Variants in NDUFS1 observed in about 807,000 individuals in gnomAD.
The protein encoded by NDUFS1 is NADH-ubiquinone oxidoreductase 75 kDa subunit, mitochondrial.
In NDUFS1, 61 loss-of-function variants were observed where a neutral mutation model predicts 84.4. The ratio of observed to expected loss-of-function variants is 0.72; its 90% confidence interval spans 0.59 to 0.89. The LOEUF (loss-of-function observed/expected upper bound fraction) is 0.89. Ranked by LOEUF, NDUFS1 falls within the 40% of genes least tolerant of loss-of-function variation. The pLI is 0.00. For synonymous variants in NDUFS1, 275 were observed against 290.0 expected, an observed-to-expected ratio of 0.95 and a Z score of 0.53; for missense variants, 891 against 890.0, an observed-to-expected ratio of 1.00 and a Z score of -0.01.
At chr2:206,134,470 C>T (rs994814151) in intron 13 of NDUFS1, among the ~76,000 whole-genome samples, 1 of 151,892 alleles carries the variant, frequency 6.6e-6, no homozygotes, top group Non-Finnish European at 1.5e-5. Context: ...CTCGTCTCTA[C>T]AAAAAATTGG....
chr2:206,125,051 G>A (rs1289149158), intron 18 of NDUFS1, among the ~76,000 whole-genome samples: 1 of 150,436 alleles, frequency 6.6e-6, no homozygotes, highest in Non-Finnish European at 1.5e-5. Flanking sequence ...TGACTATGTT[G>A]CCCAGGCTGG....
intron 18 of NDUFS1, among the ~76,000 whole-genome samples, chr2:206,125,014 CT>C (rs879736435): frequency 7.8e-4 from 114 of 145,520 alleles, no homozygotes; most frequent in Admixed American, 1.2e-3. Flanking sequence ...AATAATCTCA[CT>C]TTTTTTTTTT....
At chr2:206,134,233 C>CTT (rs1171622802) in intron 13 of NDUFS1, among the ~76,000 whole-genome samples, 1 of 152,106 alleles carries the variant, frequency 6.6e-6, no homozygotes, top group African/African-American at 2.4e-5. Flanking sequence ...CTTAAAAACT[C>CTT]AAAGAAGCAA....
chr2:206,159,118 A>C, intron 1 of NDUFS1: 1 of 1,535,564 alleles, frequency 6.5e-7, no homozygotes, highest in Middle Eastern at 1.7e-4. Flanking sequence ...GTTCCCGAGG[A>C]CCCCCTGATC....
chr2:206,128,003 A>G (rs1301215700), intron 15 of NDUFS1, 31 bp from the exon 16 acceptor site: 2 of 1,609,244 alleles, frequency 1.2e-6, no homozygotes, highest in African/African-American at 2.7e-5. Flanking sequence ...GTAAACCAAA[A>G]TTTTATTAAA....
rs781466341 is a variant in NDUFS1 at position 206,149,945 on chromosome 2, A to G, written c.154-20T>C. The G allele has an allele frequency of 2.9e-5, 44 of 1,501,974 alleles. No homozygotes were observed. The highest frequency in any genetic ancestry group is 3.0e-5 in the Non-Finnish European group (33 of 1,087,014). The allele number at this position is 1,501,974 out of a possible 1,614,324, so 93.0% of individuals were successfully genotyped here. On this transcript the variant is annotated intron_variant, in intron 3 of 18. Transcript: ENST00000233190. ...ACAAGCCTAGAAGTAAAAAAAAAAA[A>G]AAAAAAAAAAAAAGCATTAGAATAA...
chr2:206,131,610 T>C (rs1190083094), intron 14 of NDUFS1, among the ~76,000 whole-genome samples: 1 of 152,032 alleles, frequency 6.6e-6, no homozygotes, highest in Non-Finnish European at 1.5e-5. Flanking sequence ...GAGACCAGCC[T>C]GGCGAACATG....
intron 10 of NDUFS1, among the ~76,000 whole-genome samples, 196 bp from the exon 11 acceptor site, chr2:206,143,027 G>A (rs1200364665): frequency 6.6e-6 from 1 of 152,142 alleles, no homozygotes. Context: ...AGAAGTGGGC[G>A]GATCACCTGC....
intron 8 of NDUFS1, 72 bp downstream of exon 8, chr2:206,146,831 T>C: frequency 2.1e-6 from 3 of 1,431,352 alleles, no homozygotes; most frequent in Admixed American, 3.5e-5. Context: ...AGGAAGAAAA[T>C]GAACCTTAAT....
Position 206,116,520 on chromosome 2 carries a change from T to A in NDUFS1, c.*7665A>T. On this transcript the variant is annotated 3_prime_UTR_variant, in exon 19 of 19. Transcript: ENST00000233190. ...CGCCATGTTCCCAGGGGTGCGGGGA[T>A]GGCAGCGCTACGCCTCAGCCACTCG... 8.7e-7 allele frequency: 1 copy of A among 1,143,628 alleles called. No individual in the cohort carries two copies. The highest frequency in any genetic ancestry group is 1.3e-6 in the Non-Finnish European group (1 of 796,650). The allele number at this position is 1,143,628 out of a possible 1,614,324, so 70.8% of individuals were successfully genotyped here.
chr2:206,124,335 A>G (rs1470589408), intron 18 of NDUFS1, 59 bp from the exon 19 acceptor site: 1 of 1,298,320 alleles, frequency 7.7e-7, no homozygotes, highest in Non-Finnish European at 1.1e-6. Context: ...AGCACATACT[A>G]AAACTTTAAT....
Position 206,150,676 on chromosome 2 carries a change from G to A in NDUFS1, c.154-751C>T, listed in dbSNP as rs1316438216. On this transcript the variant is annotated intron_variant, in intron 3 of 18. Coordinates refer to ENST00000233190, the MANE Select transcript of NDUFS1 (RefSeq NM_005006.7). The stretch of plus-strand genomic sequence containing the variant: ...CATCCTAGCTGACATTCCTTATGCT[G>A]ATTATGTCCAAACCTTAATCTGCAG... Among the ~76,000 whole-genome samples the A allele has an allele frequency of 3.3e-5, 5 of 152,318 alleles. No individual in the cohort carries two copies. The East Asian group carries it at 9.6e-4, about 29-fold the overall frequency.
intron 5 of NDUFS1, among the ~76,000 whole-genome samples, chr2:206,148,256 A>G (rs1454262585): frequency 6.6e-6 from 1 of 152,072 alleles, no homozygotes; most frequent in East Asian, 1.9e-4. Flanking sequence ...ACCTTCATAG[A>G]TGTATATTTG....
rs72942891 is a variant in NDUFS1 at position 206,124,312 on chromosome 2, C to T, written c.2093-36G>A. The T allele has an allele frequency of 5.1e-4, 770 of 1,514,326 alleles. 2 individuals carry two copies. In the Middle Eastern group the frequency reaches 7.6e-3, roughly 15 times the overall value. 93.8% of individuals were successfully genotyped at this position (1,514,326 alleles called of 1,614,324 possible). A position where few individuals can be genotyped will look rare whatever the true frequency, so the allele number is the denominator to read the frequency against. ...TTAAGAAAATGTCATTTTGATAATA[C>T]AACTTTTTAAAAAGCACATACTAAA... On this transcript the variant is annotated intron_variant, in intron 18 of 18. Transcript: ENST00000233190.
chr2:206,156,308 C>T (rs77461099), intron 1 of NDUFS1, among the ~76,000 whole-genome samples: 4 of 146,352 alleles, frequency 2.7e-5, no homozygotes, highest in Non-Finnish European at 6.0e-5. Context: ...AGAGGTGGCT[C>T]ACGCCTGTAG....
Position 206,115,146 on chromosome 2 carries a change from G to A in NDUFS1, c.*9039C>T, listed in dbSNP as rs1194231283. ...TTGAGTCTCACTCATATCTGATTTA[G>A]ATGAGACTTTGGACTTTGACTTTAA... On this transcript the variant is annotated 3_prime_UTR_variant, in exon 19 of 19. Transcript: ENST00000233190. 3 of 152,222 alleles carry A rather than the reference G, an allele frequency of 2.0e-5. No homozygotes were observed. The highest frequency in any genetic ancestry group is 2.0e-4 in the Admixed American group (3 of 15,272). 9.4% of individuals were successfully genotyped at this position (152,222 alleles called of 1,614,324 possible).
At position 206,147,544 on chromosome 2, in the gene NDUFS1, T is replaced by G; in HGVS notation, c.538A>C (p.Thr180Pro). 2 of 1,614,136 alleles carry G rather than the reference T, an allele frequency of 1.2e-6. No individual in the cohort carries two copies. Among genetic ancestry groups the G allele is most frequent in the Non-Finnish European group, 1.7e-6 (2 of 1,180,010 alleles). ...KTIMTRCIQC[T>P]RCIRFASEIA... is the part of the protein sequence containing the mutation. ...AAAAAAAGTTACCTGATGCAGCGAGTACACTGTATACATCTTGTCATGATG... is the reference window on the plus strand; with the variant it reads ...AAAAAAAGTTACCTGATGCAGCGAGGACACTGTATACATCTTGTCATGATG... Residue 180 changes from threonine (T) to proline (P), a missense_variant, in exon 7 of 19, where the codon ACT (threonine) becomes CCT (proline). Coordinates refer to ENST00000233190, the MANE Select transcript of NDUFS1 (RefSeq NM_005006.7).
Position 206,138,621 on chromosome 2 carries a change from TA to T in NDUFS1, c.1263-8del, listed in dbSNP as rs758239453. On this transcript the variant is annotated splice_polypyrimidine_tract_variant and splice_region_variant and intron_variant, in intron 12 of 18. Transcript: ENST00000233190. Reference sequence around the variant, plus strand: ...TAAGTCATTATGCAGCCAGCTGAAATAAAAACAACATTTTAAGAAGTAAATA... The same window carrying T: ...TAAGTCATTATGCAGCCAGCTGAAATAAAACAACATTTTAAGAAGTAAATA... 3 of 1,613,596 alleles carry T rather than the reference TA, an allele frequency of 1.9e-6. No homozygotes were observed. The South Asian group carries it at 3.3e-5, about 18-fold the overall frequency.
chr2:206,159,209 C>G, intron 1 of NDUFS1, 132 bp downstream of exon 1: 1 of 1,481,978 alleles, frequency 6.7e-7, no homozygotes, highest in South Asian at 1.2e-5. Context: ...GCTTCCGAGG[C>G]GGCGGGGCGG....
Sources: gnomAD v4.1 joint callset for allele counts (sites outside exome capture counted in the v4.1 genomes callset) on GRCh38, gnomAD v4.1.1 for gene constraint, MANE v1.5 for transcripts, NCBI Gene and HGNC (gene_info 2026-07-23, HGNC 2026-07-21) for gene names.